Variants in GRM5 observed in about 807,000 individuals in gnomAD.
GRM5 encodes glutamate metabotropic receptor 5.
In GRM5, 19 loss-of-function variants were observed where a neutral mutation model predicts 83.1. That is an observed-to-expected ratio of 0.23 (90% CI 0.16 to 0.34). The LOEUF (loss-of-function observed/expected upper bound fraction) is 0.34, where lower values mean the gene tolerates loss of function less well. GRM5 is among the 10% of genes least tolerant of loss of function. The pLI is 1.00. For synonymous variants in GRM5, 675 were observed against 633.6 expected (o/e 1.07, Z -0.98); for missense variants, 1,160 against 1,588.3 (o/e 0.73, Z 4.58).
In GRM5 at chr11:88,833,583, A is replaced by G. The variant is rs561539365; in HGVS notation, c.911+16323T>C. On this transcript the variant is annotated intron_variant, in intron 3 of 9. Coordinates refer to ENST00000305447, the MANE Select transcript of GRM5 (RefSeq NM_001143831.3). The stretch of plus-strand genomic sequence containing the variant: ...AAAGGTTTCTCAAAAAAGAAAAAAT[A>G]AAACTATCGTATGATCAGCAATTCT... 4.6e-5 allele frequency among the ~76,000 whole-genome samples: 7 copies of G among 152,350 alleles called. No individual in the cohort carries two copies. In the East Asian group the frequency reaches 1.2e-3, roughly 25 times the overall value.
intron 2 of GRM5, among the ~76,000 whole-genome samples, chr11:89,027,301 G>A (rs1941150390): frequency 6.6e-6 from 1 of 152,010 alleles, no homozygotes; most frequent in South Asian, 2.1e-4. Flanking sequence ...TCACCATGTT[G>A]CACAGGGTGG....
At position 89,047,647 on chromosome 11, in the gene GRM5, G is replaced by A; in HGVS notation, c.226C>T (p.Leu76=). Reference sequence around the variant, plus strand: ...GTGGGGTCTGAATTGATCCTTTCCAGGGTATGCAGCATGGCCTCCACTCTC... The same window carrying A: ...GTGGGGTCTGAATTGATCCTTTCCAAGGTATGCAGCATGGCCTCCACTCTC... ...IQRVEAMLHT[L]ERINSDPTLL... is the part of the protein sequence containing the mutation. The change falls in exon 2 of 10, where the codon CTG becomes TTG. Residue 76 remains leucine (L), a synonymous_variant. Transcript: ENST00000305447. The surrounding 1 kb of genome is among the most constrained non-coding windows in gnomAD (Gnocchi z 5.1). 6.2e-7 allele frequency: 1 copy of A among 1,614,014 alleles called. No individual in the cohort carries two copies. Among genetic ancestry groups the A allele is most frequent in the Non-Finnish European group, 8.5e-7 (1 of 1,179,926 alleles).
chr11:88,574,255 T>A (rs1046355729), intron 7 of GRM5, among the ~76,000 whole-genome samples: 2 of 152,190 alleles, frequency 1.3e-5, no homozygotes, highest in Admixed American at 1.3e-4. Context: ...AATATAGAAT[T>A]CTAATTCTAG....
intron 2 of GRM5, among the ~76,000 whole-genome samples, chr11:88,942,870 T>A (rs1359791949): frequency 6.6e-6 from 1 of 152,038 alleles, no homozygotes; most frequent in African/African-American, 2.4e-5. Context: ...CTCAGATCTA[T>A]CACTTTTATT....
At chr11:88,998,984 G>A (rs1940282035) in intron 2 of GRM5, among the ~76,000 whole-genome samples, 1 of 152,040 alleles carries the variant, frequency 6.6e-6, no homozygotes. Flanking sequence ...ACAAGAAATG[G>A]GGAAAGGATT....
At chr11:88,847,619 G>T (rs1436615388) in intron 3 of GRM5, among the ~76,000 whole-genome samples, 1 of 152,110 alleles carries the variant, frequency 6.6e-6, no homozygotes, top group Non-Finnish European at 1.5e-5. Context: ...CCAAGAGGCA[G>T]AAACTGCAGG....
chr11:89,052,129 C>A (rs1941774727), intron 1 of GRM5, among the ~76,000 whole-genome samples: 1 of 152,070 alleles, frequency 6.6e-6, no homozygotes, highest in African/African-American at 2.4e-5. Flanking sequence ...TCTTCTTTTG[C>A]AAATGCAAAA....
intron 3 of GRM5, among the ~76,000 whole-genome samples, chr11:88,781,741 A>G (rs979860227): frequency 2.0e-5 from 3 of 152,184 alleles, no homozygotes; most frequent in African/African-American, 4.8e-5. Context: ...GCTGACCACA[A>G]TCTCCTCTGG....
chr11:88,927,475 C>T (rs895489362), intron 2 of GRM5, among the ~76,000 whole-genome samples: 1 of 152,118 alleles, frequency 6.6e-6, no homozygotes, highest in African/African-American at 2.4e-5. Flanking sequence ...AAGAAGAGTA[C>T]ATGTTAAAGG....
intron 2 of GRM5, among the ~76,000 whole-genome samples, chr11:88,864,645 T>C (rs1205212673): frequency 6.6e-6 from 1 of 152,036 alleles, no homozygotes; most frequent in East Asian, 1.9e-4. Flanking sequence ...TTTCTTCTTA[T>C]GTGAATGCCC....
At chr11:88,694,690 T>C (rs923721704) in intron 3 of GRM5, among the ~76,000 whole-genome samples, 2 of 152,252 alleles carry the variant, frequency 1.3e-5, no homozygotes, top group South Asian at 4.1e-4. Context: ...ATCATGACCA[T>C]ATAACTGAAG....
chr11:88,801,592 G>A (rs1445910407), intron 3 of GRM5, among the ~76,000 whole-genome samples: 1 of 152,048 alleles, frequency 6.6e-6, no homozygotes, highest in African/African-American at 2.4e-5. Flanking sequence ...AGGAACAACT[G>A]AATCTTAACA....
chr11:88,520,558 A>G (rs1369851655), intron 9 of GRM5, among the ~76,000 whole-genome samples: 2 of 151,816 alleles, frequency 1.3e-5, no homozygotes, highest in Non-Finnish European at 3.0e-5. Context: ...GGAGTTTTAT[A>G]TTGCATTGCA....
chr11:88,789,851 C>CA (rs1943140025), intron 3 of GRM5, among the ~76,000 whole-genome samples: 1 of 147,992 alleles, frequency 6.8e-6, no homozygotes, highest in African/African-American at 2.6e-5. Context: ...ATGTACAAGG[C>CA]AAATTTTTTT....
intron 2 of GRM5, among the ~76,000 whole-genome samples, chr11:88,933,472 C>G (rs7931636): frequency 0.025 from 3,725 of 151,856 alleles, 155 homozygotes; most frequent in African/African-American, 0.083. Context: ...CTCATATATT[C>G]TATCTTATCT....
At chr11:89,000,478 G>A (rs1940342323) in intron 2 of GRM5, among the ~76,000 whole-genome samples, 1 of 152,114 alleles carries the variant, frequency 6.6e-6, no homozygotes, top group Admixed American at 6.6e-5. Context: ...TTTTTAATAA[G>A]TGATATTGGA....
chr11:88,578,533 A>G (rs958950167), intron 7 of GRM5, among the ~76,000 whole-genome samples: 2 of 152,170 alleles, frequency 1.3e-5, no homozygotes, highest in Non-Finnish European at 2.9e-5. Flanking sequence ...AACATTTTTC[A>G]TCGAGTGGTT....
chr11:88,611,472 A>G (rs968845646), intron 4 of GRM5, among the ~76,000 whole-genome samples: 7 of 151,940 alleles, frequency 4.6e-5, no homozygotes, highest in African/African-American at 1.5e-4. Context: ...AAATTTACCT[A>G]TTTCTCCTAG....
chr11:88,533,396 G>A (rs1230424139), intron 8 of GRM5, among the ~76,000 whole-genome samples: 1 of 152,120 alleles, frequency 6.6e-6, no homozygotes, highest in East Asian at 1.9e-4. Flanking sequence ...TTGCCTAAAT[G>A]TCACTTTCTC....
Sources: allele counts gnomAD v4.1 joint callset (sites outside exome capture counted in the v4.1 genomes callset), GRCh38; gene constraint gnomAD v4.1.1; non-coding constraint Gnocchi (gnomAD v3.1); transcripts MANE v1.5; gene names NCBI Gene and HGNC (gene_info 2026-07-23, HGNC 2026-07-21).